The following GPR158 variants were observed in gnomAD, a reference collection of about 807,000 sequenced individuals.
GPR158 encodes the protein G protein-coupled receptor 158.
In GPR158, 30 loss-of-function variants were observed where a neutral mutation model predicts 78.2. The ratio of observed to expected loss-of-function variants is 0.38; its 90% CI spans 0.29 to 0.52. The LOEUF is 0.52. Among genes scored for constraint, GPR158 ranks in the 20% least tolerant of loss-of-function variants. The pLI, the probability that GPR158 is intolerant of heterozygous loss-of-function variation, is 0.83. For synonymous variants in GPR158, 581 were observed against 591.1 expected (o/e 0.98, Z 0.25); for missense variants, 1,463 against 1,523.5 (o/e 0.96, Z 0.66).
intron 5 of GPR158, among the ~76,000 whole-genome samples, chr10:25,509,346 T>C (rs1409971770): frequency 2.0e-5 from 3 of 152,204 alleles, no homozygotes; most frequent in African/African-American, 7.2e-5. Flanking sequence ...TATGGCTGCA[T>C]AACAAATTAC....
chr10:25,455,407 C>T lies in GPR158; in HGVS notation c.1336-11244C>T, dbSNP rs143968497. On this transcript the variant is annotated intron_variant, in intron 4 of 10. Transcript: ENST00000376351. ...TATATTATAAAACTTTTTTTTCTAA[C>T]GTTTGGTTTTATAACATTGCCTTAA... Among the ~76,000 whole-genome samples the T allele has an allele frequency of 1.6e-3, 238 of 151,936 alleles. 7 individuals carry two copies. In the East Asian group the frequency reaches 0.042, roughly 27 times the overall value.
chr10:25,556,494 CTTTCT>C (rs1836788350), intron 6 of GPR158, among the ~76,000 whole-genome samples: 1 of 152,170 alleles, frequency 6.6e-6, no homozygotes, highest in African/African-American at 2.4e-5. Context: ...TCAGGCCCTC[CTTTCT>C]GCTGAACTCA....
intron 2 of GPR158, among the ~76,000 whole-genome samples, chr10:25,234,783 C>A (rs1334088268): frequency 6.6e-6 from 1 of 152,130 alleles, no homozygotes; most frequent in Non-Finnish European, 1.5e-5. Context: ...GAAGATTGGT[C>A]TGAAATTGTA....
intron 2 of GPR158, among the ~76,000 whole-genome samples, chr10:25,383,125 G>T (rs558343928): frequency 6.6e-6 from 1 of 152,152 alleles, no homozygotes; most frequent in African/African-American, 2.4e-5. Flanking sequence ...ATGAGCCGCC[G>T]CTCCCGGCCC....
At chr10:25,349,889 T>A (rs1319106037) in intron 2 of GPR158, among the ~76,000 whole-genome samples, 1 of 127,838 alleles carries the variant, frequency 7.8e-6, no homozygotes, top group South Asian at 2.1e-4. Flanking sequence ...ACACTGGTGA[T>A]CTTTTCTGGT....
chr10:25,217,000 G>A (rs1853225485), intron 1 of GPR158, among the ~76,000 whole-genome samples: 1 of 152,106 alleles, frequency 6.6e-6, no homozygotes, highest in East Asian at 1.9e-4. Context: ...TTTCAAGTAG[G>A]GAATTGTCGG....
At chr10:25,595,972 G>A (rs1837399544) in intron 9 of GPR158, among the ~76,000 whole-genome samples, 1 of 152,094 alleles carries the variant, frequency 6.6e-6, no homozygotes. Flanking sequence ...CTTAGAATAA[G>A]AGAAATGAAC....
At chr10:25,522,679 T>C (rs1357741263) in intron 5 of GPR158, among the ~76,000 whole-genome samples, 13 of 152,234 alleles carry the variant, frequency 8.5e-5, no homozygotes, top group Admixed American at 8.5e-4. Flanking sequence ...AATACGCTTA[T>C]ATATTATTTA....
At chr10:25,362,474 C>T (rs1692045641) in intron 2 of GPR158, among the ~76,000 whole-genome samples, 2 of 151,690 alleles carry the variant, frequency 1.3e-5, no homozygotes, top group Admixed American at 6.6e-5. Context: ...GATGAACTTC[C>T]CTATGTCTGC....
intron 2 of GPR158, among the ~76,000 whole-genome samples, chr10:25,392,801 A>T (rs1345262150): frequency 6.6e-6 from 1 of 152,178 alleles, no homozygotes; most frequent in Admixed American, 6.5e-5. Flanking sequence ...TTGCAAGTTT[A>T]TTGAAAATTT....
At chr10:25,456,665 A>G (rs1835295558) in intron 4 of GPR158, among the ~76,000 whole-genome samples, 1 of 152,240 alleles carries the variant, frequency 6.6e-6, no homozygotes, top group Admixed American at 6.5e-5. Context: ...TCAAATGTTA[A>G]AGAAAAATTA....
At position 25,601,513 on chromosome 10, in the gene GPR158, A is replaced by T. The variant is rs1837497604; in HGVS notation, c.*2239A>T. The T allele has an allele frequency of 1.3e-5, 2 of 152,572 alleles. No individual in the cohort carries two copies. Among genetic ancestry groups the T allele is most frequent in the South Asian group, 4.1e-4 (2 of 4,830 alleles). The allele number at this position is 152,572 out of a possible 1,614,324, so 9.5% of individuals were successfully genotyped here. The stretch of plus-strand genomic sequence containing the variant: ...AGAATTATGCAGTCAAGCATCAGTG[A>T]CTTTCTATTGCACTTCAGGATTGAT... On this transcript the variant is annotated 3_prime_UTR_variant, in exon 11 of 11. Transcript: ENST00000376351.
intron 6 of GPR158, among the ~76,000 whole-genome samples, chr10:25,563,799 T>C (rs1836890132): frequency 6.6e-6 from 1 of 151,808 alleles, no homozygotes; most frequent in East Asian, 1.9e-4. Context: ...TACTTATTGT[T>C]TTATGCATCT....
At chr10:25,280,199 C>T (rs1485688449) in intron 2 of GPR158, among the ~76,000 whole-genome samples, 1 of 152,044 alleles carries the variant, frequency 6.6e-6, no homozygotes, top group Non-Finnish European at 1.5e-5. Context: ...ATTAAAAATA[C>T]AAGATCCAGC....
At chr10:25,189,291 C>T (rs1284330233) in intron 1 of GPR158, among the ~76,000 whole-genome samples, 1 of 152,150 alleles carries the variant, frequency 6.6e-6, no homozygotes, top group African/African-American at 2.4e-5. Flanking sequence ...TGGGTATACG[C>T]CCAAAGGATT....
Position 25,176,056 on chromosome 10 carries a change from C to T in GPR158, c.636C>T (p.His212=), listed in dbSNP as rs767579106. ...LLQDLSSSAP[H]LANATLETEW... is the part of the protein sequence containing the mutation. ...AAGACCTGTCCTCCTCCGCACCCCA[C>T]CTGGCCAACGCCACTCTGGAGACCG... is the stretch of plus-strand genomic sequence containing the variant. Residue 212 remains histidine, a synonymous_variant, in exon 1 of 11, where the codon CAC becomes CAT. Transcript: ENST00000376351. This position sits in a 1 kb window ranked among gnomAD's most constrained non-coding sequence, Gnocchi z 6.3. The T allele has an allele frequency of 1.4e-5, 23 of 1,607,042 alleles. No individual in the cohort carries two copies. In the South Asian group the frequency reaches 2.6e-4, roughly 18 times the overall value.
At chr10:25,587,278 G>A (rs7897460) in intron 7 of GPR158, among the ~76,000 whole-genome samples, 4,936 of 152,266 alleles carry the variant, frequency 0.032, 240 homozygotes, top group African/African-American at 0.11. Context: ...CAGATTTTAA[G>A]ACTGGGAGGA....
At position 25,176,373 on chromosome 10, in the gene GPR158, C is replaced by CG; in HGVS notation, c.902+53dup. The CG allele has an allele frequency of 7.1e-7, 1 of 1,399,198 alleles. No homozygotes were observed. Among genetic ancestry groups the CG allele is most frequent in the Non-Finnish European group, 9.7e-7 (1 of 1,034,220 alleles). 86.7% of individuals were successfully genotyped at this position (1,399,198 alleles called of 1,614,324 possible). A position where few individuals can be genotyped will look rare whatever the true frequency, so the allele number is the denominator to read the frequency against. ...GAAGGCAAAAGCGAAGCTTTCCTTC[C>CG]GGTCTTGTGGGTGGGTGCACGTGTG... On this transcript the variant is annotated intron_variant, in intron 1 of 10. Transcript: ENST00000376351. This position sits in a 1 kb window ranked among gnomAD's most constrained non-coding sequence, Gnocchi z 6.3.
intron 1 of GPR158, among the ~76,000 whole-genome samples, chr10:25,184,806 G>A (rs138520295): frequency 7.8e-4 from 119 of 152,312 alleles, no homozygotes; most frequent in African/African-American, 2.6e-3. Context: ...AGTTTAGACC[G>A]ATGAGATTTA....
Sources: gnomAD v4.1 joint callset for allele counts (sites outside exome capture counted in the v4.1 genomes callset) on GRCh38, gnomAD v4.1.1 for gene constraint, Gnocchi (gnomAD v3.1) non-coding constraint, MANE v1.5 for transcripts, NCBI Gene and HGNC (gene_info 2026-07-23, HGNC 2026-07-21) for gene names.